ACSM1: variants seen among roughly 807,000 people sequenced by gnomAD.
ACSM1 encodes the protein acyl-CoA synthetase medium chain family member 1.
ACSM1 carries 79 observed loss-of-function variants against 75.8 expected under a neutral mutation model. That is an observed-to-expected ratio of 1.04 (90% CI 0.87 to 1.26). The LOEUF (loss-of-function observed/expected upper bound fraction) is 1.26, where lower values mean the gene tolerates loss of function less well. Among genes scored for constraint, ACSM1 ranks in the 50% most tolerant of loss-of-function variants. The pLI, the probability that ACSM1 is intolerant of heterozygous loss-of-function variation, is 0.00. For synonymous variants in ACSM1, 279 were observed against 265.8 expected, an observed-to-expected ratio of 1.05 and a Z score of -0.48; for missense variants, 676 against 720.1, an observed-to-expected ratio of 0.94 and a Z score of 0.70.
chr16:20,688,167 A>T (rs980474478), intron 2 of ACSM1, among the ~76,000 whole-genome samples: 1 of 152,164 alleles, frequency 6.6e-6, no homozygotes, highest in Non-Finnish European at 1.5e-5. Flanking sequence ...TAAATTGAAA[A>T]TTCACTAGGG....
intron 6 of ACSM1, among the ~76,000 whole-genome samples, chr16:20,668,962 A>G (rs2019724004): frequency 6.6e-6 from 1 of 152,200 alleles, no homozygotes. Flanking sequence ...AAAGATTAAT[A>G]AAGAAATGCT....
chr16:20,637,521 T>C, intron 8 of ACSM1, 70 bp from the exon 9 acceptor site: 1 of 1,267,908 alleles, frequency 7.9e-7, no homozygotes. Context: ...GTCAGAATCA[T>C]ACACAGCATC....
intron 4 of ACSM1, among the ~76,000 whole-genome samples, chr16:20,676,415 T>C (rs1363112815): frequency 1.3e-5 from 2 of 152,212 alleles, no homozygotes; most frequent in Non-Finnish European, 2.9e-5. Flanking sequence ...AAAGACTTTT[T>C]GAGGCATTTT....
chr16:20,682,224 CA>C, intron 4 of ACSM1, 31 bp downstream of exon 4: 1 of 1,603,144 alleles, frequency 6.2e-7, no homozygotes, highest in South Asian at 1.1e-5. Flanking sequence ...CAACTGTACT[CA>C]GAGATTATAT....
At chr16:20,658,145 A>C (rs1352817327) in intron 7 of ACSM1, among the ~76,000 whole-genome samples, 1 of 152,176 alleles carries the variant, frequency 6.6e-6, no homozygotes, top group Non-Finnish European at 1.5e-5. Flanking sequence ...GCTGGGTCAA[A>C]TGGTATTTCT....
At position 20,669,963 on chromosome 16, in the gene ACSM1, GTCT is replaced by G; in HGVS notation, c.773_775del (p.Lys258del). 2 of 1,613,868 alleles carry G rather than the reference GTCT, an allele frequency of 1.2e-6. No individual in the cohort carries two copies. Among genetic ancestry groups the G allele is most frequent in the Non-Finnish European group, 1.7e-6 (2 of 1,179,874 alleles). ...CGACAGGCACCAGGAGACATCAGAT[GTCT>G]TCAGGCTCCGTAATTTCCTACTAAC... On this transcript the variant is annotated inframe_deletion, in exon 6 of 14. Coordinates refer to ENST00000520010, the MANE Select transcript of ACSM1 (RefSeq NM_001318890.3).
In ACSM1 at chr16:20,661,843, A is replaced by G. The variant is rs754722445; in HGVS notation, c.943T>C (p.Trp315Arg). 6.2e-7 allele frequency: 1 copy of G among 1,609,184 alleles called. No homozygotes were observed. The highest frequency in any genetic ancestry group is 1.7e-5 in the Admixed American group (1 of 59,908). Residue 315 changes from tryptophan (W) to arginine (R), a missense_variant, in exon 7 of 14, where the codon TGG becomes CGG. Trp to Arg is a moderately radical substitution (Grantham distance 101). Transcript: ENST00000520010. ...ATTCGATATATAGATGATACCCCCCAAAAGTGGTTAATGGGGTATTTCAAC... is the reference window on the plus strand; with the variant it reads ...ATTCGATATATAGATGATACCCCCCGAAAGTGGTTAATGGGGTATTTCAAC... ...TLLKYPINHFWGVSSIYRMIL... is the reference protein window; with the variant it reads ...TLLKYPINHFRGVSSIYRMIL...
chr16:20,623,541 A>G lies in ACSM1; in HGVS notation c.1679T>C (p.Ile560Thr). ...TTCCTTCCGTTCAATCTTGCCAGTG[A>G]TGGTTTTTGGCAGCTCTGAGACAAA... ...VEFVSELPKT[I>T]TGKIERKELR... The change falls in exon 14 of 14, where the codon ATC (isoleucine) becomes ACC (threonine). Residue 560 changes from isoleucine (I) to threonine (T), a missense_variant. Physicochemically the swap from Ile to Thr is moderately conservative, Grantham distance 89 (BLOSUM62 -1). Coordinates refer to ENST00000520010, the MANE Select transcript of ACSM1 (RefSeq NM_001318890.3). 9 of 1,614,108 alleles carry G rather than the reference A, an allele frequency of 5.6e-6. No homozygotes were observed. Among genetic ancestry groups the G allele is most frequent in the Non-Finnish European group, 6.8e-6 (8 of 1,180,006 alleles).
intron 10 of ACSM1, 147 bp downstream of exon 10, chr16:20,636,592 G>T: frequency 1.6e-6 from 1 of 631,562 alleles, no homozygotes. Context: ...AAGGATGGGA[G>T]AATGCACGGT....
chr16:20,627,566 C>T (rs959505888), intron 10 of ACSM1, among the ~76,000 whole-genome samples: 2 of 152,096 alleles, frequency 1.3e-5, no homozygotes, highest in Non-Finnish European at 2.9e-5. Context: ...TGCGGTGGCT[C>T]ACGCCTGTAA....
At chr16:20,661,770 T>A in intron 7 of ACSM1, 24 bp downstream of exon 7, 1 of 1,552,576 alleles carries the variant, frequency 6.4e-7, no homozygotes, top group South Asian at 1.1e-5. Context: ...CCAAAGATGT[T>A]GTTACAAGCC....
At chr16:20,672,471 A>AAAAAAATATATAT (rs1555473775) in intron 4 of ACSM1, among the ~76,000 whole-genome samples, 48 of 64,560 alleles carry the variant, frequency 7.4e-4, no homozygotes, top group East Asian at 2.6e-3. Flanking sequence ...AAAAAAAAAA[A>AAAAAAATATATAT]ATATATATAT....
At chr16:20,671,478 C>T in intron 5 of ACSM1, 53 bp downstream of exon 5, 2 of 1,501,372 alleles carry the variant, frequency 1.3e-6, no homozygotes, top group South Asian at 2.6e-5. Flanking sequence ...CACACACACA[C>T]AAACTTTGCC....
At chr16:20,684,120 T>C (rs964061666) in intron 3 of ACSM1, among the ~76,000 whole-genome samples, 22 of 152,120 alleles carry the variant, frequency 1.4e-4, no homozygotes, top group Admixed American at 1.1e-3. Flanking sequence ...TTCTAATCTA[T>C]ATAGACAAAA....
intron 4 of ACSM1, among the ~76,000 whole-genome samples, chr16:20,672,248 T>C (rs1408793679): frequency 1.3e-5 from 2 of 149,176 alleles, no homozygotes; most frequent in East Asian, 2.0e-4. Context: ...ACCTTGGTGA[T>C]GAGGGGTGGG....
At chr16:20,631,026 G>A (rs951316844) in intron 10 of ACSM1, among the ~76,000 whole-genome samples, 2 of 152,198 alleles carry the variant, frequency 1.3e-5, no homozygotes, top group Non-Finnish European at 2.9e-5. Flanking sequence ...AGCAAACACA[G>A]TGCTAAAAAG....
At chr16:20,653,786 T>G (rs989543168) in intron 7 of ACSM1, among the ~76,000 whole-genome samples, 1 of 152,186 alleles carries the variant, frequency 6.6e-6, no homozygotes, top group African/African-American at 2.4e-5. Flanking sequence ...CATTCCATGC[T>G]CATGAGTAGG....
At chr16:20,674,040 T>C in intron 4 of ACSM1, 1 of 426,876 alleles carries the variant, frequency 2.3e-6, no homozygotes, top group Admixed American at 2.6e-5. Context: ...ACTGACTTGA[T>C]GACCTTCCTA....
At chr16:20,677,531 A>G (rs76392621) in intron 4 of ACSM1, among the ~76,000 whole-genome samples, 1 of 152,236 alleles carries the variant, frequency 6.6e-6, no homozygotes, top group Non-Finnish European at 1.5e-5. Context: ...TCAAGTCAGT[A>G]CCAGGAGACC....
Sources: allele counts gnomAD v4.1 joint callset (sites outside exome capture counted in the v4.1 genomes callset), GRCh38; gene constraint gnomAD v4.1.1; transcripts MANE v1.5; gene names NCBI Gene and HGNC (gene_info 2026-07-23, HGNC 2026-07-21).